CNTRL: variants seen among roughly 807,000 people sequenced by gnomAD.
The protein encoded by CNTRL is 110 kDa centrosomal protein.
In CNTRL, 233 loss-of-function variants were observed where a neutral mutation model predicts 303.7. The observed-to-expected ratio is 0.77, with a 90% CI of 0.69 to 0.86. CNTRL has a LOEUF of 0.86. Among genes scored for constraint, CNTRL ranks in the 40% least tolerant of loss-of-function variants. The pLI is 0.00. For missense variants in CNTRL, 2,524 were observed against 2,650.6 expected, an observed-to-expected ratio of 0.95 and a Z score of 1.05; for synonymous variants, 900 against 922.2, an observed-to-expected ratio of 0.98 and a Z score of 0.44.
At position 121,124,229 on chromosome 9, in the gene CNTRL, C is replaced by G. The variant is rs1034376941; in HGVS notation, c.1804+145C>G. On this transcript the variant is annotated intron_variant, in intron 13 of 43. Transcript: ENST00000373855. ...TGATAGGGAAATATTTACAGGATACCCAAAAGTAGTTAATGCAATTTTAAG... is the reference window on the plus strand; with the variant it reads ...TGATAGGGAAATATTTACAGGATACGCAAAAGTAGTTAATGCAATTTTAAG... 3.5e-5 allele frequency: 26 copies of G among 736,710 alleles called. 1 individual carries two copies. In the African/African-American group the frequency reaches 3.9e-4, roughly 11 times the overall value. 45.6% of individuals were successfully genotyped at this position (736,710 alleles called of 1,614,324 possible).
At chr9:121,167,101 G>C (rs1343666920) in intron 36 of CNTRL, among the ~76,000 whole-genome samples, 1 of 152,072 alleles carries the variant, frequency 6.6e-6, no homozygotes, top group African/African-American at 2.4e-5. Flanking sequence ...CTTGAGCCCA[G>C]GAGTTCGAGA....
chr9:121,157,310 C>T (rs2052622011), intron 27 of CNTRL, among the ~76,000 whole-genome samples, 160 bp from the exon 28 acceptor site: 1 of 152,030 alleles, frequency 6.6e-6, no homozygotes, highest in Non-Finnish European at 1.5e-5. Flanking sequence ...TAGTTCTTTG[C>T]TTCTGAATTA....
At chr9:121,130,565 T>C (rs1289697969) in intron 14 of CNTRL, among the ~76,000 whole-genome samples, 1 of 152,198 alleles carries the variant, frequency 6.6e-6, no homozygotes, top group East Asian at 1.9e-4. Context: ...ATTTTGTTGA[T>C]CTTTTCAAAA....
At chr9:121,167,410 A>G (rs1051816107) in intron 36 of CNTRL, 79 bp from the exon 37 acceptor site, 6 of 1,105,544 alleles carry the variant, frequency 5.4e-6, no homozygotes, top group African/African-American at 4.7e-5. Flanking sequence ...TGTCAGACTT[A>G]GTAGATACTG....
chr9:121,151,769 T>A (rs1376200067), intron 25 of CNTRL, among the ~76,000 whole-genome samples: 3 of 152,338 alleles, frequency 2.0e-5, no homozygotes, highest in African/African-American at 4.8e-5. Context: ...TCAGAACACC[T>A]GGAGTTTTTT....
At chr9:121,131,999 T>G (rs1055233962) in intron 14 of CNTRL, among the ~76,000 whole-genome samples, 28 of 152,164 alleles carry the variant, frequency 1.8e-4, no homozygotes, top group Non-Finnish European at 3.7e-4. Flanking sequence ...CTGAGAGATC[T>G]GCTGTTAGTC....
intron 8 of CNTRL, among the ~76,000 whole-genome samples, chr9:121,109,168 G>T (rs1164079421): frequency 6.6e-6 from 1 of 152,004 alleles, no homozygotes; most frequent in Non-Finnish European, 1.5e-5. Context: ...ATCATTGCTA[G>T]ATTACTTATA....
Position 121,112,492 on chromosome 9 carries a change from T to C in CNTRL, c.1036T>C (p.Cys346Arg). 6.2e-7 allele frequency: 1 copy of C among 1,613,082 alleles called. No homozygotes were observed. The highest frequency in any genetic ancestry group is 8.5e-7 in the Non-Finnish European group (1 of 1,179,228). The change falls in exon 9 of 44, where the codon TGT (cysteine) becomes CGT (arginine). Residue 346 changes from cysteine (C) to arginine (R), a missense_variant. Coordinates refer to ENST00000373855, the MANE Select transcript of CNTRL (RefSeq NM_007018.6). ...KQKTIELTRA[C>R]QKQYELEQEL... is the part of the protein sequence containing the mutation. ...GAAGACCATAGAATTAACACGAGCA[T>C]GTCAGAAGCAATATGAGCTGGAACA...
chr9:121,152,567 A>G lies in CNTRL; in HGVS notation c.4046A>G (p.Lys1349Arg), dbSNP rs1378908255. ...GAAGAAAGGTGGATGAGAGCATCCA[A>G]GCGGCAGTCGGAGAAAGAAATGGAA... ...KREERWMRAS[K>R]RQSEKEMEEL... Residue 1349 changes from lysine (K) to arginine (R), a missense_variant, in exon 26 of 44, where the codon AAG becomes AGG. Transcript: ENST00000373855. The G allele has an allele frequency of 1.9e-6, 3 of 1,614,048 alleles. No homozygotes were observed. The highest frequency in any genetic ancestry group is 1.7e-6 in the Non-Finnish European group (2 of 1,179,906).
chr9:121,118,324 T>C (rs1406695596), intron 11 of CNTRL, 22 bp from the exon 12 acceptor site: 2 of 1,508,368 alleles, frequency 1.3e-6, no homozygotes, highest in Non-Finnish European at 1.8e-6. Context: ...GTTAATTATA[T>C]ATTGGGGTTT....
intron 7 of CNTRL, among the ~76,000 whole-genome samples, chr9:121,099,927 G>T (rs943580415): frequency 5.3e-5 from 8 of 152,168 alleles, no homozygotes; most frequent in Admixed American, 6.5e-5. Flanking sequence ...CCAAATCTAC[G>T]ATTGAATGGT....
chr9:121,133,129 T>G (rs142856576), intron 14 of CNTRL, among the ~76,000 whole-genome samples: 4,094 of 152,366 alleles, frequency 0.027, 182 homozygotes, highest in African/African-American at 0.094. Context: ...CTGTCCGTTC[T>G]CTGAGCTCAA....
chr9:121,145,449 T>G, intron 22 of CNTRL, 64 bp downstream of exon 22: 3 of 1,492,772 alleles, frequency 2.0e-6, no homozygotes, highest in Non-Finnish European at 2.7e-6. Flanking sequence ...TCATCTCATT[T>G]GTTTTTTACC....
In CNTRL at chr9:121,142,260, TA is replaced by T. The variant is rs1564264953; in HGVS notation, c.2862del (p.Glu955ArgfsTer18). 1 of 1,598,364 alleles carries T rather than the reference TA, an allele frequency of 6.3e-7. No individual in the cohort carries two copies. The highest frequency in any genetic ancestry group is 8.5e-7 in the Non-Finnish European group (1 of 1,175,762). On this transcript the variant is annotated frameshift_variant, in exon 19 of 44. Transcript: ENST00000373855. LOFTEE classifies it high-confidence loss of function. ...KERILAQLRELEKKKKLEDAK... is the reference protein window; with the variant it reads ...KERILAQLREXEKKKKLEDAK... ...AGAATTCTGGCCCAACTCCGAGAGT[TA>T]GAGAAAAAGGTAGGGGAGACTTAGA...
intron 2 of CNTRL, among the ~76,000 whole-genome samples, chr9:121,081,123 G>A (rs2048123112): frequency 6.6e-6 from 1 of 152,150 alleles, no homozygotes; most frequent in Admixed American, 6.6e-5. Context: ...CTGGGTATTG[G>A]GTAGGACCCC....
rs200247383 is a variant in CNTRL at position 121,151,384 on chromosome 9, C to CTTTTTTTTTTTTTTT, written c.3963+903_3963+904insTTTTTTTTTTTTTTT. 3.4e-4 allele frequency among the ~76,000 whole-genome samples: 31 copies of CTTTTTTTTTTTTTTT among 91,510 alleles called. 1 individual carries two copies. Among genetic ancestry groups the CTTTTTTTTTTTTTTT allele is most frequent in the South Asian group, 2.0e-3 (3 of 1,488 alleles). The allele number at this position is 91,510 out of a possible 152,430, so 60.0% of individuals were successfully genotyped here. Reference sequence around the variant, plus strand: ...GATTACTTCCTTTTTCTTTTTTCTTCTTCTTTTTTTTTTTTTTTTTTTTTG... The same window carrying CTTTTTTTTTTTTTTT: ...GATTACTTCCTTTTTCTTTTTTCTTCTTTTTTTTTTTTTTTTTCTTTTTTTTTTTTTTTTTTTTTG... On this transcript the variant is annotated intron_variant, in intron 25 of 43. Coordinates refer to ENST00000373855, the MANE Select transcript of CNTRL (RefSeq NM_007018.6).
intron 40 of CNTRL, among the ~76,000 whole-genome samples, chr9:121,171,987 C>T (rs1412055317): frequency 6.6e-6 from 1 of 152,156 alleles, no homozygotes; most frequent in African/African-American, 2.4e-5. Flanking sequence ...CTGGTAGAGT[C>T]TCTAATCCTT....
chr9:121,152,721 A>T, intron 26 of CNTRL, 28 bp downstream of exon 26: 1 of 1,492,664 alleles, frequency 6.7e-7, no homozygotes, highest in South Asian at 1.2e-5. Flanking sequence ...TATAATTCAG[A>T]CAAATACGAT....
At chr9:121,099,128 C>T (rs1279066565) in intron 7 of CNTRL, among the ~76,000 whole-genome samples, 1 of 152,178 alleles carries the variant, frequency 6.6e-6, no homozygotes, top group Non-Finnish European at 1.5e-5. Flanking sequence ...CAAGTGGGTC[C>T]CTGACCCCCG....
Sources: allele counts gnomAD v4.1 joint callset (sites outside exome capture counted in the v4.1 genomes callset), GRCh38; gene constraint gnomAD v4.1.1; transcripts MANE v1.5; gene names NCBI Gene and HGNC (gene_info 2026-07-23, HGNC 2026-07-21).